ZNF385D: variants seen among roughly 807,000 people sequenced by gnomAD.
The protein encoded by ZNF385D is zinc finger protein 659.
Under a neutral mutation model 35.8 loss-of-function variants are expected in ZNF385D, and 15 were observed. The ratio of observed to expected loss-of-function variants is 0.42; its 90% confidence interval spans 0.28 to 0.64. The LOEUF (loss-of-function observed/expected upper bound fraction) is 0.64. ZNF385D is among the 30% of genes least tolerant of loss of function. The probability of loss-of-function intolerance (pLI) is 0.23; values close to 1 mark genes in which losing one functional copy is unlikely to be tolerated. For missense variants in ZNF385D, 474 were observed against 494.6 expected (o/e 0.96, Z 0.39); for synonymous variants, 212 against 186.8 (o/e 1.13, Z -1.10).
chr3:21,535,938 A>G (rs2062025689), intron 3 of ZNF385D, among the ~76,000 whole-genome samples: 2 of 151,998 alleles, frequency 1.3e-5, no homozygotes, highest in Non-Finnish European at 2.9e-5. Context: ...AGTCTGTGGT[A>G]GACAGAGTGG....
chr3:22,021,017 TCAGA>T lies in ZNF385D; in HGVS notation c.325+147796_325+147799del, dbSNP rs908023553. 2.6e-5 allele frequency among the ~76,000 whole-genome samples: 4 copies of T among 151,930 alleles called. No individual in the cohort carries two copies. The South Asian group carries it at 6.2e-4, about 24-fold the overall frequency. ...AGGCCATTATCTTAGGTGAAATAAG[TCAGA>T]CAAATATTTCAAGTTCTCATTCATA... On this transcript the variant is annotated intron_variant, in intron 3 of 5. Coordinates refer to the ZNF385D transcript ENST00000494108.
chr3:21,440,360 A>G lies in ZNF385D; in HGVS notation c.440-3157T>C, dbSNP rs556287628. Among the ~76,000 whole-genome samples, 3 of 152,238 alleles carry G rather than the reference A, an allele frequency of 2.0e-5. No homozygotes were observed. In the South Asian group the frequency reaches 6.2e-4, roughly 32 times the overall value. On this transcript the variant is annotated intron_variant, in intron 4 of 7. Coordinates refer to ENST00000281523, the MANE Select transcript of ZNF385D (RefSeq NM_024697.3). ...CTCGTAACCCCTGTCTAACCATGAG[A>G]AAAACAGAAAACAAACCTAAACTTA...
intron 3 of ZNF385D, among the ~76,000 whole-genome samples, chr3:21,909,362 G>T (rs763765415): frequency 6.6e-6 from 1 of 151,958 alleles, no homozygotes; most frequent in Non-Finnish European, 1.5e-5. Flanking sequence ...TGAGAATTTG[G>T]CAATGTTTCA....
intron 3 of ZNF385D, among the ~76,000 whole-genome samples, chr3:21,959,349 C>A (rs1471054634): frequency 6.6e-6 from 1 of 151,964 alleles, no homozygotes; most frequent in African/African-American, 2.4e-5. Context: ...GCAATTGCTC[C>A]TTCAGGATAT....
At chr3:21,889,176 G>C (rs1242035075) in intron 3 of ZNF385D, among the ~76,000 whole-genome samples, 1 of 152,202 alleles carries the variant, frequency 6.6e-6, no homozygotes, top group Non-Finnish European at 1.5e-5. Flanking sequence ...TGTAGTACTA[G>C]AGAATACCTG....
At chr3:21,924,403 GC>G (rs1196428099) in intron 3 of ZNF385D, among the ~76,000 whole-genome samples, 1 of 152,086 alleles carries the variant, frequency 6.6e-6, no homozygotes, top group Non-Finnish European at 1.5e-5. Context: ...GATGAAAAAA[GC>G]CCTAACAAAA....
At chr3:22,265,150 T>TA (rs1296257274) in intron 2 of ZNF385D, among the ~76,000 whole-genome samples, 1 of 151,910 alleles carries the variant, frequency 6.6e-6, no homozygotes, top group South Asian at 2.1e-4. Context: ...AAACAAGCAT[T>TA]AAAAAATATA....
Position 21,750,967 on chromosome 3 carries a change from C to T in ZNF385D, c.-51G>A. ...CGGTGTCTTCAGCATCAGCTCTCAC[C>T]CAAGGCTGGCACGTAGAGCAGAGCC... On this transcript the variant is annotated 5_prime_UTR_variant, in exon 1 of 8. An upstream open reading frame in the 5' UTR gains an earlier in-frame stop. Coordinates refer to ENST00000281523, the MANE Select transcript of ZNF385D (RefSeq NM_024697.3). 6.2e-7 allele frequency: 1 copy of T among 1,613,776 alleles called. No homozygotes were observed. The highest frequency in any genetic ancestry group is 8.5e-7 in the Non-Finnish European group (1 of 1,179,932).
At chr3:21,881,902 T>C (rs1446981807) in intron 3 of ZNF385D, among the ~76,000 whole-genome samples, 2 of 151,980 alleles carry the variant, frequency 1.3e-5, no homozygotes, top group East Asian at 1.9e-4. Context: ...GCATATGTGA[T>C]GGAAATAGTA....
At chr3:22,086,693 T>C (rs62246394) in intron 3 of ZNF385D, among the ~76,000 whole-genome samples, 1 of 152,092 alleles carries the variant, frequency 6.6e-6, no homozygotes, top group Non-Finnish European at 1.5e-5. Flanking sequence ...CAAATGTCCA[T>C]CAATGATAGA....
intron 4 of ZNF385D, among the ~76,000 whole-genome samples, chr3:21,509,820 TA>T (rs1261102655): frequency 1.3e-5 from 2 of 152,186 alleles, no homozygotes; most frequent in African/African-American, 4.8e-5. Context: ...CCACAGGAAC[TA>T]AGAATATCAT....
intron 3 of ZNF385D, among the ~76,000 whole-genome samples, chr3:21,947,542 G>C (rs112563039): frequency 0.13 from 20,137 of 152,044 alleles, 1,498 homozygotes; most frequent in Non-Finnish European, 0.16. Context: ...AGTAGAGATG[G>C]GGTTTCACTG....
At chr3:22,267,846 T>C (rs1700973927) in intron 2 of ZNF385D, among the ~76,000 whole-genome samples, 1 of 151,944 alleles carries the variant, frequency 6.6e-6, no homozygotes, top group Non-Finnish European at 1.5e-5. Flanking sequence ...TCATATTTTA[T>C]GTGAAAGGCA....
At chr3:22,047,974 A>G (rs966583128) in intron 3 of ZNF385D, among the ~76,000 whole-genome samples, 1 of 152,038 alleles carries the variant, frequency 6.6e-6, no homozygotes, top group South Asian at 2.1e-4. Flanking sequence ...TTGTGGATTT[A>G]ATTTGCATTT....
chr3:21,587,527 A>G (rs1366256912), intron 2 of ZNF385D, among the ~76,000 whole-genome samples: 1 of 152,248 alleles, frequency 6.6e-6, no homozygotes, highest in Non-Finnish European at 1.5e-5. Context: ...GGCAAATTTT[A>G]GAAGGATGTG....
intron 2 of ZNF385D, among the ~76,000 whole-genome samples, chr3:22,358,856 G>T (rs1696275960): frequency 6.6e-6 from 1 of 151,632 alleles, no homozygotes; most frequent in African/African-American, 2.4e-5. Flanking sequence ...GCCTAGTGGG[G>T]CTTAAATGTT....
At chr3:21,978,161 T>C (rs1305296647) in intron 3 of ZNF385D, 1 of 152,224 alleles carries the variant, frequency 6.6e-6, no homozygotes, top group African/African-American at 2.4e-5. Flanking sequence ...GTAGGATGTC[T>C]TTGAAACCTT....
chr3:21,910,941 C>T (rs1043811250), intron 3 of ZNF385D, among the ~76,000 whole-genome samples: 1 of 151,706 alleles, frequency 6.6e-6, no homozygotes, highest in Non-Finnish European at 1.5e-5. Context: ...ACAAAATAAA[C>T]CTGATGCTTT....
chr3:22,209,779 A>G (rs1697397280), intron 2 of ZNF385D, among the ~76,000 whole-genome samples: 1 of 151,248 alleles, frequency 6.6e-6, no homozygotes, highest in South Asian at 2.1e-4. Context: ...TTTTTCACTT[A>G]GCTAAGCAAT....
Sources: gnomAD v4.1 joint callset for allele counts (sites outside exome capture counted in the v4.1 genomes callset) on GRCh38, gnomAD v4.1.1 for gene constraint, MANE v1.5 for transcripts, NCBI Gene and HGNC (gene_info 2026-07-23, HGNC 2026-07-21) for gene names.